Variants in EXOC6B observed in about 807,000 individuals in gnomAD.
The protein encoded by EXOC6B is SEC15 homolog B.
Under a neutral mutation model 113.5 loss-of-function variants are expected in EXOC6B, and 54 were observed. That is an observed-to-expected ratio of 0.48 (90% CI 0.38 to 0.60). EXOC6B has a LOEUF of 0.60. EXOC6B is among the 20% of genes least tolerant of loss of function. The pLI, the probability that EXOC6B is intolerant of heterozygous loss-of-function variation, is 0.00. For missense variants in EXOC6B, 797 were observed against 977.5 expected, an observed-to-expected ratio of 0.82 and a Z score of 2.46; for synonymous variants, 357 against 339.0, an observed-to-expected ratio of 1.05 and a Z score of -0.58.
At chr2:72,636,640 T>A (rs573202179) in intron 6 of EXOC6B, among the ~76,000 whole-genome samples, 1 of 152,264 alleles carries the variant, frequency 6.6e-6, no homozygotes, top group South Asian at 2.1e-4. Flanking sequence ...CAACATCCAT[T>A]CATGATACAA....
intron 6 of EXOC6B, among the ~76,000 whole-genome samples, chr2:72,631,391 T>C (rs2104270589): frequency 6.8e-6 from 1 of 147,244 alleles, no homozygotes; most frequent in South Asian, 2.2e-4. Context: ...TGGAGTGATA[T>C]AGTAGTGTGT....
chr2:72,419,341 C>T (rs538137622), intron 18 of EXOC6B, among the ~76,000 whole-genome samples: 2 of 152,310 alleles, frequency 1.3e-5, no homozygotes, highest in East Asian at 3.9e-4. Context: ...GTTACAACTT[C>T]TCATTACAAT....
At chr2:72,330,436 TAAAAG>T (rs748759367) in intron 20 of EXOC6B, among the ~76,000 whole-genome samples, 9 of 152,038 alleles carry the variant, frequency 5.9e-5, no homozygotes, top group Non-Finnish European at 1.0e-4. Context: ...GCCTAATACT[TAAAAG>T]AGAAAAGACA....
chr2:72,319,759 A>T (rs998522362), intron 20 of EXOC6B, among the ~76,000 whole-genome samples: 10 of 152,266 alleles, frequency 6.6e-5, no homozygotes, highest in Non-Finnish European at 1.3e-4. Flanking sequence ...TTCGTGGATT[A>T]GAAGACTAAA....
At chr2:72,663,455 G>T (rs1327454500) in intron 6 of EXOC6B, among the ~76,000 whole-genome samples, 1 of 152,160 alleles carries the variant, frequency 6.6e-6, no homozygotes, top group East Asian at 1.9e-4. Context: ...AGCTATGAAG[G>T]TTTTCTTGAA....
chr2:72,269,003 TA>T (rs1408131834), intron 20 of EXOC6B, among the ~76,000 whole-genome samples: 3 of 152,158 alleles, frequency 2.0e-5, no homozygotes, highest in Admixed American at 1.3e-4. Flanking sequence ...ATATATGGCT[TA>T]AAAGCATTTA....
intron 6 of EXOC6B, among the ~76,000 whole-genome samples, chr2:72,582,164 A>AAT (rs1206359900): frequency 2.6e-4 from 40 of 151,946 alleles, no homozygotes; most frequent in Middle Eastern, 3.4e-3. Flanking sequence ...GAGAAGGGGA[A>AAT]ATATATATAT....
intron 6 of EXOC6B, among the ~76,000 whole-genome samples, chr2:72,635,888 C>T (rs1427502239): frequency 6.6e-6 from 1 of 152,110 alleles, no homozygotes; most frequent in African/African-American, 2.4e-5. Flanking sequence ...TGGAAGGTTG[C>T]TTGACTATTT....
intron 1 of EXOC6B, among the ~76,000 whole-genome samples, chr2:72,765,505 C>T (rs1321880666): frequency 6.6e-6 from 1 of 151,932 alleles, no homozygotes; most frequent in Non-Finnish European, 1.5e-5. Context: ...AAACCCCCCT[C>T]TCTACTAAAT....
intron 19 of EXOC6B, among the ~76,000 whole-genome samples, chr2:72,366,179 T>C (rs1690618256): frequency 6.6e-6 from 1 of 151,992 alleles, no homozygotes; most frequent in South Asian, 2.1e-4. Context: ...TACATAGCTA[T>C]TATAAGAATG....
chr2:72,413,445 T>C (rs1694313400), intron 18 of EXOC6B, among the ~76,000 whole-genome samples: 1 of 149,028 alleles, frequency 6.7e-6, no homozygotes, highest in African/African-American at 2.5e-5. Context: ...CCCAACACTT[T>C]GGGAGGCCGA....
intron 1 of EXOC6B, among the ~76,000 whole-genome samples, chr2:72,773,120 CTTTTTTTTT>C (rs1254377634): frequency 1.1e-5 from 1 of 94,906 alleles, no homozygotes; most frequent in African/African-American, 4.7e-5. Flanking sequence ...CTTAGATTTT[CTTTTTTTTT>C]TTTTTTTTTT....
intron 18 of EXOC6B, among the ~76,000 whole-genome samples, chr2:72,398,727 TAC>T (rs60055732): frequency 0.011 from 1,480 of 138,644 alleles, 20 homozygotes; most frequent in African/African-American, 0.03. Flanking sequence ...TCTCTCTGTC[TAC>T]ACACACACAC....
chr2:72,687,555 A>G (rs146482036), intron 6 of EXOC6B, among the ~76,000 whole-genome samples: 14 of 152,324 alleles, frequency 9.2e-5, no homozygotes, highest in African/African-American at 3.4e-4. Context: ...AAGTTAGTCC[A>G]GTGTGGTAAG....
intron 11 of EXOC6B, 101 bp downstream of exon 11, chr2:72,513,031 G>GC: frequency 1.5e-6 from 2 of 1,343,282 alleles, no homozygotes; most frequent in Non-Finnish European, 2.0e-6. Context: ...CTCCAAGTGA[G>GC]TGATTCCAAA....
intron 6 of EXOC6B, among the ~76,000 whole-genome samples, chr2:72,661,206 C>A (rs1674986528): frequency 6.6e-6 from 1 of 151,888 alleles, no homozygotes; most frequent in Non-Finnish European, 1.5e-5. Context: ...GAAGTCCACA[C>A]CAAAGTGAAG....
intron 1 of EXOC6B, among the ~76,000 whole-genome samples, chr2:72,756,752 G>A (rs1030601912): frequency 3.9e-5 from 6 of 151,928 alleles, no homozygotes; most frequent in African/African-American, 1.2e-4. Context: ...CACATTGCCA[G>A]TACATAGAAG....
At chr2:72,404,267 G>C (rs1212339835) in intron 18 of EXOC6B, among the ~76,000 whole-genome samples, 23 of 152,234 alleles carry the variant, frequency 1.5e-4, no homozygotes, top group Admixed American at 1.4e-3. Flanking sequence ...TGCCTCTGTA[G>C]ACTCCACCTC....
intron 11 of EXOC6B, among the ~76,000 whole-genome samples, chr2:72,501,472 C>T: frequency 6.6e-6 from 1 of 152,252 alleles, no homozygotes; most frequent in East Asian, 1.9e-4. Flanking sequence ...GCAAAATAAA[C>T]CTCTTTTCTT....
Sources: gnomAD v4.1 joint callset for allele counts (sites outside exome capture counted in the v4.1 genomes callset) on GRCh38, gnomAD v4.1.1 for gene constraint, MANE v1.5 for transcripts, NCBI Gene and HGNC (gene_info 2026-07-23, HGNC 2026-07-21) for gene names.